The following C11orf42 variants were observed in gnomAD, a reference collection of about 807,000 sequenced individuals.
C11orf42 encodes the protein uncharacterized protein C11orf42.
A neutral mutation model predicts 27.9 loss-of-function variants in C11orf42; 24 were observed. The observed-to-expected ratio is 0.86, with a 90% CI of 0.62 to 1.21. The LOEUF is 1.21. Among genes scored for constraint, C11orf42 ranks in the 50% most tolerant of loss-of-function variants. The pLI, the probability that C11orf42 is intolerant of heterozygous loss-of-function variation, is 0.00. For synonymous variants in C11orf42, 187 were observed against 180.8 expected (o/e 1.03, Z -0.28); for missense variants, 455 against 424.1 (o/e 1.07, Z -0.64).
rs780656965 is a variant in C11orf42 at position 6,210,521 on chromosome 11, T to G, written c.744T>G (p.Ala248=). 1.2e-5 allele frequency: 20 copies of G among 1,613,588 alleles called. No homozygotes were observed. The highest frequency in any genetic ancestry group is 1.6e-5 in the Non-Finnish European group (19 of 1,179,818). Residue 248 remains alanine, a synonymous_variant, in exon 2 of 3, where the codon GCT becomes GCG. Transcript: ENST00000316375. The surrounding 1 kb of genome is among the most constrained non-coding windows in gnomAD (Gnocchi z 4.0). Reference sequence around the variant, plus strand: ...CAGCACCTGCTGATACAACTGAAGCTGCTGATGTGCCCCCACCTGTCCCAG... The same window carrying G: ...CAGCACCTGCTGATACAACTGAAGCGGCTGATGTGCCCCCACCTGTCCCAG... ...PTSAPADTTE[A]ADVPPPVPAP... is the part of the protein sequence containing the mutation.
Position 6,211,121 on chromosome 11 carries a change from T to G in C11orf42, c.*79T>G, listed in dbSNP as rs1847062150. 2.6e-6 allele frequency: 4 copies of G among 1,564,336 alleles called. No individual in the cohort carries two copies. In the South Asian group the frequency reaches 4.7e-5, roughly 19 times the overall value. On this transcript the variant is annotated 3_prime_UTR_variant, in exon 3 of 3. Transcript: ENST00000316375. ...CTGGTCTCTAATAAACATCAGCTGC[T>G]GCTCCCCCAAACCATCCTGGGCCCA...
Position 6,210,357 on chromosome 11 carries a change from G to A in C11orf42, c.580G>A (p.Ala194Thr), listed in dbSNP as rs1847037792. Residue 194 changes from alanine to threonine, a missense_variant, in exon 2 of 3, where the codon GCC becomes ACC. By Grantham distance (58) the Ala-to-Thr change is moderately conservative. Coordinates refer to ENST00000316375, the MANE Select transcript of C11orf42 (RefSeq NM_173525.3). This position sits in a 1 kb window ranked among gnomAD's most constrained non-coding sequence, Gnocchi z 4.0. ...CCGGCTACTTCGGTCATTACCTGTT[G>A]CCTTCTCCTGCCTCAAGTTTTCACT... ...LLRLLRSLPV[A>T]FSCLKFSLQS... 2 of 1,614,182 alleles carry A rather than the reference G, an allele frequency of 1.2e-6. No homozygotes were observed. The highest frequency in any genetic ancestry group is 4.5e-5 in the East Asian group (2 of 44,862).
intron 1 of C11orf42, among the ~76,000 whole-genome samples, chr11:6,207,364 C>G (rs10500659): frequency 0.61 from 92,445 of 152,026 alleles, 31,442 homozygotes; most frequent in East Asian, 0.95. Flanking sequence ...AGAGATTCAC[C>G]CTTTTAGCAG....
chr11:6,210,440 T>C lies in C11orf42; in HGVS notation c.663T>C (p.His221=), dbSNP rs368788353. The stretch of plus-strand genomic sequence containing the variant: ...CTCTCACTAAAGACCCATTGCCCCA[T>C]GGGGCCAACTGGGTCAGACCCAACC... The part of the protein sequence containing the change: ...QKPLTKDPLP[H]GANWVRPNLS... The change falls in exon 2 of 3, where the codon CAT becomes CAC. Residue 221 remains histidine, a synonymous_variant. Coordinates refer to ENST00000316375, the MANE Select transcript of C11orf42 (RefSeq NM_173525.3). This position sits in a 1 kb window ranked among gnomAD's most constrained non-coding sequence, Gnocchi z 4.0. 12 of 1,614,068 alleles carry C rather than the reference T, an allele frequency of 7.4e-6. No homozygotes were observed. In the African/African-American group the frequency reaches 1.3e-4, roughly 18 times the overall value.
intron 1 of C11orf42, among the ~76,000 whole-genome samples, chr11:6,207,860 G>C (rs1846995863): frequency 6.6e-6 from 1 of 152,140 alleles, no homozygotes; most frequent in Non-Finnish European, 1.5e-5. Flanking sequence ...TCAGCCTTAA[G>C]GAGCCACTGG....
At chr11:6,207,929 C>T (rs547395482) in intron 1 of C11orf42, among the ~76,000 whole-genome samples, 1 of 152,218 alleles carries the variant, frequency 6.6e-6, no homozygotes, top group East Asian at 1.9e-4. Flanking sequence ...CATAGATGTG[C>T]GAAATTTGGT....
intron 1 of C11orf42, among the ~76,000 whole-genome samples, chr11:6,208,255 G>A (rs565661036): frequency 3.3e-5 from 5 of 151,898 alleles, no homozygotes; most frequent in South Asian, 2.1e-4. Context: ...AAAGTATACC[G>A]TAACTAACAT....
rs1419575924 is a variant in C11orf42 at position 6,209,939 on chromosome 11, A to C, written c.162A>C (p.Lys54Asn). 9.3e-6 allele frequency: 15 copies of C among 1,610,706 alleles called. No homozygotes were observed. Among genetic ancestry groups the C allele is most frequent in the Non-Finnish European group, 1.3e-5 (15 of 1,177,196 alleles). ...ATGACCTACTGGGTGTGCTGGTAAA[A>C]CAGTCCCGCCCAGCCCATACCCGCC... Reference protein sequence around the residue: ...ACYDLLGVLVKQSRPAHTRLA... With the variant: ...ACYDLLGVLVNQSRPAHTRLA... The change falls in exon 2 of 3, where the codon AAA becomes AAC. Residue 54 changes from lysine (K) to asparagine (N), a missense_variant. Physicochemically the swap from Lys to Asn is moderately conservative, Grantham distance 94 (BLOSUM62 0). Transcript: ENST00000316375.
In C11orf42 at chr11:6,211,129, C is replaced by A. The variant is rs1034374983; in HGVS notation, c.*87C>A. On this transcript the variant is annotated 3_prime_UTR_variant, in exon 3 of 3. Transcript: ENST00000316375. ...TAATAAACATCAGCTGCTGCTCCCC[C>A]AAACCATCCTGGGCCCATGCTGCTT... 6.5e-6 allele frequency: 10 copies of A among 1,545,088 alleles called. No homozygotes were observed. Among genetic ancestry groups the A allele is most frequent in the Non-Finnish European group, 8.8e-6 (10 of 1,141,902 alleles).
Position 6,210,610 on chromosome 11 carries a change from G to C in C11orf42, c.833G>C (p.Gly278Ala). Residue 278 changes from glycine (G) to alanine (A), a missense_variant, in exon 2 of 3, where the codon GGC (glycine) becomes GCC (alanine). Physicochemically the swap from Gly to Ala is moderately conservative, Grantham distance 60. Transcript: ENST00000316375. This position sits in a 1 kb window ranked among gnomAD's most constrained non-coding sequence, Gnocchi z 4.0. ...EDKPTRFSYKGRNPFWRGPQI... is the reference protein window; with the variant it reads ...EDKPTRFSYKARNPFWRGPQI... ...AAACCCACCAGATTCTCCTACAAGG[G>C]CCGAAACCCCTTCTGGAGGGGGCCC... 6.2e-7 allele frequency: 1 copy of C among 1,614,150 alleles called. No homozygotes were observed. Among genetic ancestry groups the C allele is most frequent in the Non-Finnish European group, 8.5e-7 (1 of 1,180,018 alleles).
intron 1 of C11orf42, among the ~76,000 whole-genome samples, chr11:6,206,867 G>C (rs1332377731): frequency 6.6e-6 from 1 of 152,168 alleles, no homozygotes; most frequent in Non-Finnish European, 1.5e-5. Context: ...GGAAAATCGG[G>C]GTAGAGATAT....
Position 6,210,772 on chromosome 11 carries a change from A to ATT in C11orf42, c.871+125_871+126insTT. ...ACAGGGCTCTGGTGAAAGAGATGGA[A>ATT]TGAGGGAGACTGGGGAGGGTGAGAT... On this transcript the variant is annotated intron_variant, in intron 2 of 2. Coordinates refer to ENST00000316375, the MANE Select transcript of C11orf42 (RefSeq NM_173525.3). The surrounding 1 kb of genome is among the most constrained non-coding windows in gnomAD (Gnocchi z 4.0). 2 of 1,391,984 alleles carry ATT rather than the reference A, an allele frequency of 1.4e-6. No homozygotes were observed. Among genetic ancestry groups the ATT allele is most frequent in the Non-Finnish European group, 1.9e-6 (2 of 1,028,698 alleles). 86.2% of individuals were successfully genotyped at this position (1,391,984 alleles called of 1,614,324 possible).
chr11:6,207,494 G>C (rs1424296823), intron 1 of C11orf42, among the ~76,000 whole-genome samples: 1 of 152,196 alleles, frequency 6.6e-6, no homozygotes, highest in Non-Finnish European at 1.5e-5. Context: ...GGAGCAGTTA[G>C]TGTGAGATTC....
chr11:6,208,486 G>A (rs904007282), intron 1 of C11orf42, among the ~76,000 whole-genome samples: 1 of 152,176 alleles, frequency 6.6e-6, no homozygotes. Context: ...GAGTGCAGTG[G>A]TGCCATCTCG....
rs1023080244 is a variant in C11orf42 at position 6,211,099 on chromosome 11, G to C, written c.*57G>C. On this transcript the variant is annotated 3_prime_UTR_variant, in exon 3 of 3. Transcript: ENST00000316375. ...CCCAAGATCTGGCATAGGGGTACTGGTCTCTAATAAACATCAGCTGCTGCT... is the reference window on the plus strand; with the variant it reads ...CCCAAGATCTGGCATAGGGGTACTGCTCTCTAATAAACATCAGCTGCTGCT... 1.3e-6 allele frequency: 2 copies of C among 1,589,524 alleles called. No individual in the cohort carries two copies. Among genetic ancestry groups the C allele is most frequent in the African/African-American group, 2.7e-5 (2 of 72,882 alleles).
At position 6,210,520 on chromosome 11, in the gene C11orf42, C is replaced by A; in HGVS notation, c.743C>A (p.Ala248Asp). 2 of 1,613,704 alleles carry A rather than the reference C, an allele frequency of 1.2e-6. No homozygotes were observed. Among genetic ancestry groups the A allele is most frequent in the Non-Finnish European group, 1.7e-6 (2 of 1,179,814 alleles). ...PTSAPADTTE[A>D]ADVPPPVPAP... ...TCAGCACCTGCTGATACAACTGAAG[C>A]TGCTGATGTGCCCCCACCTGTCCCA... is the stretch of plus-strand genomic sequence containing the variant. The change falls in exon 2 of 3, where the codon GCT becomes GAT. Residue 248 changes from alanine to aspartate, a missense_variant. Coordinates refer to ENST00000316375, the MANE Select transcript of C11orf42 (RefSeq NM_173525.3). This position sits in a 1 kb window ranked among gnomAD's most constrained non-coding sequence, Gnocchi z 4.0.
At position 6,210,658 on chromosome 11, in the gene C11orf42, G is replaced by A; in HGVS notation, c.871+10G>A. On this transcript the variant is annotated intron_variant, in intron 2 of 2. Coordinates refer to ENST00000316375, the MANE Select transcript of C11orf42 (RefSeq NM_173525.3). The surrounding 1 kb of genome is among the most constrained non-coding windows in gnomAD (Gnocchi z 4.0). ...CCCCAGATACTGTCAGGTACTACTA[G>A]GGGAAATGATGATGAGATGGATGGG... is the stretch of plus-strand genomic sequence containing the variant. The A allele has an allele frequency of 6.2e-7, 1 of 1,610,454 alleles. No individual in the cohort carries two copies. Among genetic ancestry groups the A allele is most frequent in the Non-Finnish European group, 8.5e-7 (1 of 1,178,324 alleles).
rs1009933427 is a variant in C11orf42, at chr11:6,209,922, C to T, written c.145C>T (p.Leu49=). 2 of 1,608,736 alleles carry T rather than the reference C, an allele frequency of 1.2e-6. No individual in the cohort carries two copies. Among genetic ancestry groups the T allele is most frequent in the South Asian group, 1.1e-5 (1 of 91,030 alleles). The stretch of plus-strand genomic sequence containing the variant: ...GTCAGATGCAGCCTGCTATGACCTA[C>T]TGGGTGTGCTGGTAAAACAGTCCCG... ...FLSDAACYDL[L]GVLVKQSRPA... is the part of the protein sequence containing the mutation. Residue 49 remains leucine, a synonymous_variant, in exon 2 of 3, where the codon CTG becomes TTG. Transcript: ENST00000316375.
At chr11:6,209,243 C>A (rs1374978893) in intron 1 of C11orf42, among the ~76,000 whole-genome samples, 6 of 152,122 alleles carry the variant, frequency 3.9e-5, no homozygotes, top group African/African-American at 9.6e-5. Flanking sequence ...TACCCAGAGG[C>A]CTTCAGGCGG....
Sources: allele counts gnomAD v4.1 joint callset (sites outside exome capture counted in the v4.1 genomes callset), GRCh38; gene constraint gnomAD v4.1.1; non-coding constraint Gnocchi (gnomAD v3.1); transcripts MANE v1.5; gene names NCBI Gene and HGNC (gene_info 2026-07-23, HGNC 2026-07-21).